ZNF512: variants seen among roughly 807,000 people sequenced by gnomAD.
ZNF512 encodes zinc finger protein 512.
ZNF512 carries 25 observed loss-of-function variants against 77.5 expected under a neutral mutation model. The observed-to-expected ratio is 0.32, with a 90% CI of 0.23 to 0.45. The LOEUF (loss-of-function observed/expected upper bound fraction) is 0.45, where lower values mean the gene tolerates loss of function less well. Among genes scored for constraint, ZNF512 ranks in the 20% least tolerant of loss-of-function variants. The pLI is 1.00. For synonymous variants in ZNF512, 246 were observed against 239.9 expected (o/e 1.03, Z -0.24); for missense variants, 483 against 692.6 (o/e 0.70, Z 3.40).
chr2:27,588,909 T>C (rs1218622122), intron 2 of ZNF512, among the ~76,000 whole-genome samples: 1 of 152,194 alleles, frequency 6.6e-6, no homozygotes. Context: ...TGTAGTTTCA[T>C]TGTTTTTAAA....
chr2:27,590,049 G>A (rs1014499693), intron 2 of ZNF512, among the ~76,000 whole-genome samples: 1 of 152,174 alleles, frequency 6.6e-6, no homozygotes, highest in African/African-American at 2.4e-5. Context: ...ATGTAGTGTT[G>A]TGTAAATGTT....
chr2:27,590,120 A>G (rs959996752), intron 2 of ZNF512, among the ~76,000 whole-genome samples: 3 of 152,188 alleles, frequency 2.0e-5, no homozygotes, highest in Admixed American at 2.0e-4. Context: ...CTGAATTTTT[A>G]TCTAGTTCTA....
intron 8 of ZNF512, among the ~76,000 whole-genome samples, 199 bp downstream of exon 8, chr2:27,602,760 G>T (rs1414996904): frequency 7.2e-5 from 11 of 151,794 alleles, no homozygotes; most frequent in Non-Finnish European, 1.6e-4. Context: ...GTTTGATGGG[G>T]TTTCCTTACC....
intron 2 of ZNF512, among the ~76,000 whole-genome samples, chr2:27,587,010 AAG>A (rs1163589125): frequency 1.3e-5 from 2 of 152,186 alleles, no homozygotes; most frequent in Non-Finnish European, 2.9e-5. Flanking sequence ...GTCAAACAAT[AAG>A]GCTGCTGTGA....
intron 2 of ZNF512, among the ~76,000 whole-genome samples, chr2:27,594,754 T>C (rs1028769644): frequency 2.0e-5 from 3 of 152,084 alleles, no homozygotes; most frequent in African/African-American, 7.2e-5. Flanking sequence ...GCTGTAGTCT[T>C]AGCACTTTGG....
chr2:27,599,739 T>A, intron 4 of ZNF512, 61 bp downstream of exon 4: 1 of 1,498,166 alleles, frequency 6.7e-7, no homozygotes, highest in Non-Finnish European at 9.2e-7. Context: ...TCTTTGAGGG[T>A]AAAGGAAAGA....
chr2:27,612,302 TC>T (rs1359492210), intron 10 of ZNF512, among the ~76,000 whole-genome samples: 7 of 152,254 alleles, frequency 4.6e-5, no homozygotes, highest in African/African-American at 1.7e-4. Flanking sequence ...CGTAGGCTTA[TC>T]TTCCATTTTT....
At chr2:27,604,488 C>T (rs1672272635) in intron 9 of ZNF512, among the ~76,000 whole-genome samples, 1 of 152,166 alleles carries the variant, frequency 6.6e-6, no homozygotes, top group South Asian at 2.1e-4. Flanking sequence ...TCACACTCAA[C>T]ACATAGACTA....
intron 2 of ZNF512, among the ~76,000 whole-genome samples, chr2:27,587,036 A>C (rs1261360101): frequency 6.6e-6 from 1 of 152,236 alleles, no homozygotes; most frequent in East Asian, 1.9e-4. Flanking sequence ...TTCATGTACA[A>C]GTCTTGTGTG....
At chr2:27,584,343 C>T (rs538990675) in intron 2 of ZNF512, among the ~76,000 whole-genome samples, 94 of 152,340 alleles carry the variant, frequency 6.2e-4, no homozygotes, top group African/African-American at 2.0e-3. Flanking sequence ...AACTACTTGT[C>T]TGTAAGACTG....
Position 27,598,251 on chromosome 2 carries a change from G to A in ZNF512, c.274G>A (p.Glu92Lys), listed in dbSNP as rs547729312. 3.7e-5 allele frequency: 59 copies of A among 1,611,502 alleles called. 1 individual carries two copies. The South Asian group carries it at 4.5e-4, about 12-fold the overall frequency. Residue 92 changes from glutamate (E) to lysine (K), a missense_variant, in exon 3 of 14, where the codon GAA becomes AAA. Around this residue, in one of 2 missense-constraint regions of ZNF512, gnomAD observed 159 missense variants for 167.5 expected, o/e 0.95. Coordinates refer to ENST00000355467, the MANE Select transcript of ZNF512 (RefSeq NM_032434.4). ...CAAGCCAGCTGCTACTTCTCATGTC[G>A]AAGGTATCAATATCAGTGTCTTATT... Reference protein sequence around the residue: ...RIKPAATSHVEGSGGVSAKGK... With the variant: ...RIKPAATSHVKGSGGVSAKGK...
At chr2:27,613,098 T>C (rs1415735172) in intron 10 of ZNF512, among the ~76,000 whole-genome samples, 3 of 152,234 alleles carry the variant, frequency 2.0e-5, no homozygotes, top group Non-Finnish European at 2.9e-5. Context: ...AGTTTATCCT[T>C]CCTGTATTTT....
intron 9 of ZNF512, among the ~76,000 whole-genome samples, chr2:27,606,358 TTTTC>T (rs1299612660): frequency 6.6e-6 from 1 of 152,062 alleles, no homozygotes; most frequent in Non-Finnish European, 1.5e-5. Context: ...CAATGTATAA[TTTTC>T]TTTCTTTTTT....
At chr2:27,608,961 T>C (rs1001118097) in intron 10 of ZNF512, among the ~76,000 whole-genome samples, 1 of 151,576 alleles carries the variant, frequency 6.6e-6, no homozygotes, top group African/African-American at 2.4e-5. Flanking sequence ...ATACAAAAAT[T>C]AGCCTGGTGT....
intron 10 of ZNF512, among the ~76,000 whole-genome samples, chr2:27,614,589 A>G (rs956034838): frequency 6.6e-6 from 1 of 152,018 alleles, no homozygotes; most frequent in Non-Finnish European, 1.5e-5. Flanking sequence ...GAGGCAGGAG[A>G]ATGGCGTGAA....
intron 5 of ZNF512, 152 bp downstream of exon 5, chr2:27,600,205 G>A (rs773555518): frequency 2.4e-6 from 2 of 830,420 alleles, no homozygotes; most frequent in East Asian, 2.7e-5. Flanking sequence ...CTTTGCTCAA[G>A]TTTTGGCTCT....
rs1254762762 is a variant in ZNF512 at position 27,583,045 on chromosome 2, G to A, written c.-68G>A. The A allele has an allele frequency of 5.7e-6, 9 of 1,585,180 alleles. No individual in the cohort carries two copies. The highest frequency in any genetic ancestry group is 1.7e-5 in the Admixed American group (1 of 59,976). On this transcript the variant is annotated 5_prime_UTR_variant, in exon 1 of 14. Coordinates refer to ENST00000355467, the MANE Select transcript of ZNF512 (RefSeq NM_032434.4). The stretch of plus-strand genomic sequence containing the variant: ...CGGAGCCGAGCCCACATCCGGGAGA[G>A]GAGAGCGGAAGTGGCGTTGGTCTGG...
chr2:27,610,721 C>T (rs766033753), intron 10 of ZNF512, among the ~76,000 whole-genome samples: 7 of 149,794 alleles, frequency 4.7e-5, no homozygotes, highest in East Asian at 2.0e-4. Context: ...GCTGGGATTA[C>T]GGGCACATAC....
intron 3 of ZNF512, among the ~76,000 whole-genome samples, chr2:27,599,085 C>T (rs1386216766): frequency 6.6e-6 from 1 of 152,086 alleles, no homozygotes; most frequent in African/African-American, 2.4e-5. Flanking sequence ...AGGTAATCCG[C>T]CCACTTTGGC....
Sources: gnomAD v4.1 joint callset for allele counts (sites outside exome capture counted in the v4.1 genomes callset) on GRCh38, gnomAD v4.1.1 for gene constraint, gnomAD v4.1.1 regional missense constraint, MANE v1.5 for transcripts, NCBI Gene and HGNC (gene_info 2026-07-23, HGNC 2026-07-21) for gene names.